Variants in ERBB2 observed in about 807,000 individuals in gnomAD.
ERBB2 encodes erb-b2 receptor tyrosine kinase 2.
A neutral mutation model predicts 149.0 loss-of-function variants in ERBB2; 61 were observed. The observed-to-expected ratio is 0.41, with a 90% CI of 0.33 to 0.51. The LOEUF (loss-of-function observed/expected upper bound fraction) is 0.51, where lower values mean the gene tolerates loss of function less well. Ranked by LOEUF, ERBB2 falls within the 20% of genes least tolerant of loss-of-function variation. The probability of loss-of-function intolerance (pLI) is 0.25; values close to 1 mark genes in which losing one functional copy is unlikely to be tolerated. For missense variants in ERBB2, 1,205 were observed against 1,655.1 expected (o/e 0.73, Z 4.72); for synonymous variants, 633 against 678.8 (o/e 0.93, Z 1.05).
At chr17:39,722,867 C>T (rs1309584215) in intron 16 of ERBB2, among the ~76,000 whole-genome samples, 1 of 152,082 alleles carries the variant, frequency 6.6e-6, no homozygotes, top group Non-Finnish European at 1.5e-5. Flanking sequence ...CAGGCACCCA[C>T]ACCACGCCCA....
chr17:39,695,279 T>G (rs973497635), upstream of ERBB2: 2 of 152,196 alleles, frequency 1.3e-5, no homozygotes, highest in Non-Finnish European at 2.9e-5. Context: ...TCCTGAGATG[T>G]GGGTAAGAGG....
At chr17:39,710,063 T>C (rs2145499802) in intron 5 of ERBB2, 23 bp from the exon 6 acceptor site, 2 of 1,594,136 alleles carry the variant, frequency 1.3e-6, no homozygotes, top group Non-Finnish European at 1.7e-6. Context: ...CACTCAGCCC[T>C]CATCCTGCCC....
intron 1 of ERBB2, among the ~76,000 whole-genome samples, chr17:39,702,242 A>C (rs1404911495): frequency 6.6e-6 from 1 of 152,212 alleles, no homozygotes; most frequent in Non-Finnish European, 1.5e-5. Flanking sequence ...TGAGGCTTGC[A>C]GTGAGCTGTG....
At chr17:39,710,567 C>T (rs2145531304) in intron 7 of ERBB2, 86 bp downstream of exon 7, 2 of 1,481,268 alleles carry the variant, frequency 1.4e-6, no homozygotes, top group South Asian at 1.2e-5. Flanking sequence ...GCACTGTCTG[C>T]ATCTTGCTTT....
Position 39,725,553 on chromosome 17 carries a change from C to A in ERBB2, c.2725+151C>A. On this transcript the variant is annotated intron_variant, in intron 22 of 26. Coordinates refer to ENST00000269571, the MANE Select transcript of ERBB2 (RefSeq NM_004448.4). This position sits in a 1 kb window ranked among gnomAD's most constrained non-coding sequence, Gnocchi z 4.6. ...CCCACCTTGCAGGGTCTGTGCACTT[C>A]CCAGGATTAGGGAAAGACCGGGTAG... 1 of 1,200,716 alleles carries A rather than the reference C, an allele frequency of 8.3e-7. No individual in the cohort carries two copies. Among genetic ancestry groups the A allele is most frequent in the Non-Finnish European group, 1.2e-6 (1 of 846,214 alleles). The allele number at this position is 1,200,716 out of a possible 1,614,324, so 74.4% of individuals were successfully genotyped here.
chr17:39,718,691 C>T (rs532094251), intron 15 of ERBB2, among the ~76,000 whole-genome samples: 2 of 151,902 alleles, frequency 1.3e-5, no homozygotes, highest in Admixed American at 1.3e-4. Flanking sequence ...TGCTTTCCCC[C>T]CGACTTGAGG....
At position 39,688,360 on chromosome 17, in the gene ERBB2, C is replaced by T. The variant is rs552617575; in HGVS notation, c.-382+82C>T. 21 of 210,696 alleles carry T rather than the reference C, an allele frequency of 1.0e-4. 1 individual carries two copies. Among genetic ancestry groups the T allele is most frequent in the Admixed American group, 9.5e-4 (16 of 16,900 alleles). The allele number at this position is 210,696 out of a possible 1,614,324, so 13.1% of individuals were successfully genotyped here. ...AACTATCCACTTCTCTCCATCTCTT[C>T]TGGCACCACCCTGGTTAAAGACACC... On this transcript the variant is annotated intron_variant, in intron 1 of 17. Coordinates refer to the ERBB2 transcript ENST00000578199.
chr17:39,728,257 A>T lies in ERBB2; in HGVS notation c.*213A>T. ...CGTTGGAAGAGGAACAGCACTGGGGAGTCTTTGTGGATTCTGAGGCCCTGC... is the reference window on the plus strand; with the variant it reads ...CGTTGGAAGAGGAACAGCACTGGGGTGTCTTTGTGGATTCTGAGGCCCTGC... On this transcript the variant is annotated 3_prime_UTR_variant, in exon 27 of 27. Coordinates refer to ENST00000269571, the MANE Select transcript of ERBB2 (RefSeq NM_004448.4). The T allele has an allele frequency of 2.1e-6, 1 of 486,642 alleles. No individual in the cohort carries two copies. Among genetic ancestry groups the T allele is most frequent in the South Asian group, 4.3e-5 (1 of 23,166 alleles). 30.1% of individuals were successfully genotyped at this position (486,642 alleles called of 1,614,324 possible).
chr17:39,709,500 C>A (rs368513411), intron 4 of ERBB2, 48 bp downstream of exon 4: 1 of 1,608,258 alleles, frequency 6.2e-7, no homozygotes, highest in Admixed American at 1.7e-5. Context: ...CAGCCTGACC[C>A]CAGCCGCAAA....
At chr17:39,689,991 C>T (rs2057659545), upstream of ERBB2, among the ~76,000 whole-genome samples, 1 of 151,830 alleles carries the variant, frequency 6.6e-6, no homozygotes, top group Admixed American at 6.6e-5. Context: ...TAACGCCCCA[C>T]ATTAAATAAG....
chr17:39,710,291 C>A (rs2145513286), intron 6 of ERBB2, 49 bp from the exon 7 acceptor site: 1 of 1,612,606 alleles, frequency 6.2e-7, no homozygotes, highest in Non-Finnish European at 8.5e-7. Context: ...TTGCCCCTGG[C>A]ACACCAGGGC....
At chr17:39,698,743 G>A (rs1390304535), upstream of ERBB2, among the ~76,000 whole-genome samples, 1 of 152,158 alleles carries the variant, frequency 6.6e-6, no homozygotes, top group Non-Finnish European at 1.5e-5. Context: ...GGAGGGAAGA[G>A]AGAAAGAGAT....
intron 14 of ERBB2, 36 bp downstream of exon 14, chr17:39,716,641 G>A (rs1436463788): frequency 3.8e-6 from 6 of 1,578,338 alleles, no homozygotes; most frequent in Non-Finnish European, 5.2e-6. Flanking sequence ...GGGTGGAGGG[G>A]GGCAGCGAGG....
chr17:39,689,868 C>T (rs1473545987), intron 2 of ERBB2, among the ~76,000 whole-genome samples: 7 of 148,106 alleles, frequency 4.7e-5, no homozygotes, highest in Admixed American at 2.0e-4. Flanking sequence ...ATTGCGCCAT[C>T]GCACTCCAGC....
At chr17:39,715,201 G>T (rs2059045943) in intron 9 of ERBB2, 85 bp from the exon 10 acceptor site, 1 of 1,131,844 alleles carries the variant, frequency 8.8e-7, no homozygotes, top group African/African-American at 1.5e-5. Context: ...AGGCATTCAT[G>T]GTGGGGAGTG....
intron 16 of ERBB2, among the ~76,000 whole-genome samples, chr17:39,722,444 GT>G (rs936288045): frequency 6.6e-6 from 1 of 152,064 alleles, no homozygotes; most frequent in Admixed American, 6.6e-5. Context: ...CAGGGCTGCA[GT>G]GGGCCATGAT....
At chr17:39,712,852 A>G (rs1053009764) in intron 9 of ERBB2, among the ~76,000 whole-genome samples, 5 of 152,202 alleles carry the variant, frequency 3.3e-5, no homozygotes, top group Non-Finnish European at 2.9e-5. Flanking sequence ...ACATAAATGA[A>G]TCTCAGAAAC....
chr17:39,699,568 G>A, upstream of ERBB2: 1 of 1,533,226 alleles, frequency 6.5e-7, no homozygotes, highest in Non-Finnish European at 8.7e-7. Flanking sequence ...ATATGCCCCG[G>A]GGGTCCTGGA....
rs773801267 is a variant in ERBB2, at chr17:39,727,020, A to C, written c.3159+17A>C. 26 of 1,572,310 alleles carry C rather than the reference A, an allele frequency of 1.7e-5. No homozygotes were observed. The Admixed American group carries it at 4.7e-4, about 28-fold the overall frequency. On this transcript the variant is annotated intron_variant, in intron 25 of 26. Coordinates refer to ENST00000269571, the MANE Select transcript of ERBB2 (RefSeq NM_004448.4). This position sits in a 1 kb window ranked among gnomAD's most constrained non-coding sequence, Gnocchi z 4.3. Reference sequence around the variant, plus strand: ...TCTACCAGGGTCAGTGCCCTCGGTCACACTGTGTGGCTGTCTGCTTACCTC... The same window carrying C: ...TCTACCAGGGTCAGTGCCCTCGGTCCCACTGTGTGGCTGTCTGCTTACCTC...
Sources: allele counts gnomAD v4.1 joint callset (sites outside exome capture counted in the v4.1 genomes callset), GRCh38; gene constraint gnomAD v4.1.1; non-coding constraint Gnocchi (gnomAD v3.1); transcripts MANE v1.5; gene names NCBI Gene and HGNC (gene_info 2026-07-23, HGNC 2026-07-21).